Variants in ZMYM2 observed in about 807,000 individuals in gnomAD.
The protein encoded by ZMYM2 is zinc finger MYM-type containing 2.
ZMYM2 carries 56 observed loss-of-function variants against 162.8 expected under a neutral mutation model. The observed-to-expected ratio is 0.34, with a 90% confidence interval of 0.28 to 0.43. The LOEUF (loss-of-function observed/expected upper bound fraction) is 0.43. ZMYM2 is among the 20% of genes least tolerant of loss of function. The pLI is 1.00. For synonymous variants in ZMYM2, 510 were observed against 541.6 expected (o/e 0.94, Z 0.81); for missense variants, 1,275 against 1,621.8 (o/e 0.79, Z 3.67).
At position 20,086,970 on chromosome 13, in the gene ZMYM2, G is replaced by T. The variant is rs1958311847; in HGVS notation, c.*956G>T. The T allele has an allele frequency of 5.5e-6, 1 of 181,702 alleles. No individual in the cohort carries two copies. Among genetic ancestry groups the T allele is most frequent in the Non-Finnish European group, 1.2e-5 (1 of 85,230 alleles). 11.3% of individuals were successfully genotyped at this position (181,702 alleles called of 1,614,324 possible). ...TTTCCCTCTTAAGGATACAGATCAT[G>T]CTGCAATGTTAGCTGTGTAGTACTC... On this transcript the variant is annotated 3_prime_UTR_variant, in exon 25 of 25. Coordinates refer to ENST00000610343, the MANE Select transcript of ZMYM2 (RefSeq NM_197968.4).
At chr13:19,870,535 T>C in the ZMYM2 span, among the ~76,000 whole-genome samples, 26,303 of 81,440 alleles carry the variant, frequency 0.32, 3,079 homozygotes, top group Non-Finnish European at 0.42. Context: ...CTTTCTTTCT[T>C]TCTCTTTCTT....
At chr13:19,973,171 A>T (rs1411329902) in intron 2 of ZMYM2, among the ~76,000 whole-genome samples, 1 of 151,882 alleles carries the variant, frequency 6.6e-6, no homozygotes, top group African/African-American at 2.4e-5. Context: ...TCCTGACCTC[A>T]GGTGATCCGC....
intron 12 of ZMYM2, among the ~76,000 whole-genome samples, chr13:20,042,907 A>G (rs1360401857): frequency 6.6e-6 from 1 of 152,002 alleles, no homozygotes; most frequent in East Asian, 1.9e-4. Context: ...TATTTCTAGT[A>G]GAGATGGGGT....
the ZMYM2 span, among the ~76,000 whole-genome samples, chr13:19,917,177 T>A: frequency 6.6e-6 from 1 of 152,022 alleles, no homozygotes; most frequent in Non-Finnish European, 1.5e-5. Context: ...TTAGCCAGGA[T>A]GGTCTCAATC....
At chr13:20,051,021 A>G (rs1325959515) in intron 12 of ZMYM2, among the ~76,000 whole-genome samples, 1 of 152,046 alleles carries the variant, frequency 6.6e-6, no homozygotes, top group East Asian at 1.9e-4. Context: ...TTGCTTCAAA[A>G]TTACCTTTGT....
chr13:20,069,756 A>T (rs938961330), intron 21 of ZMYM2, among the ~76,000 whole-genome samples: 2 of 151,924 alleles, frequency 1.3e-5, no homozygotes, highest in African/African-American at 4.8e-5. Context: ...GTTCATAAGG[A>T]TAAGTAGTTC....
chr13:20,019,591 G>A lies in ZMYM2; in HGVS notation c.1557G>A (p.Met519Ile), dbSNP rs201534436. ...PSFLKEVRDH[M>I]QDSFLMQPEK... is the part of the protein sequence containing the mutation. The stretch of plus-strand genomic sequence containing the variant: ...TCCTGAAGGAGGTTCGAGATCACAT[G>A]CAGGACTCTTTCTTAATGCAGCCTG... Residue 519 changes from methionine to isoleucine, a missense_variant, in exon 7 of 25, where the codon ATG becomes ATA. Transcript: ENST00000610343. The A allele has an allele frequency of 3.8e-4, 612 of 1,597,822 alleles. 23 individuals carry two copies. Among genetic ancestry groups the A allele is most frequent in the South Asian group, 3.6e-3 (315 of 87,770 alleles).
chr13:20,004,940 A>G (rs1950634645), intron 4 of ZMYM2, 134 bp from the exon 5 acceptor site: 1 of 623,604 alleles, frequency 1.6e-6, no homozygotes, highest in Non-Finnish European at 2.5e-6. Context: ...ATGTCTAATA[A>G]AAATGATTTA....
intron 2 of ZMYM2, among the ~76,000 whole-genome samples, chr13:19,989,752 T>C (rs1484347052): frequency 2.0e-5 from 3 of 152,228 alleles, no homozygotes; most frequent in Admixed American, 6.5e-5. Flanking sequence ...ATAGGTCTTA[T>C]TCTGTTTTTC....
intron 6 of ZMYM2, among the ~76,000 whole-genome samples, chr13:20,016,145 C>T (rs1951607315): frequency 6.6e-6 from 1 of 150,844 alleles, no homozygotes; most frequent in South Asian, 2.1e-4. Flanking sequence ...GTTTTGATTT[C>T]CTTCTCATTG....
chr13:20,005,283 A>C (rs755401505), intron 5 of ZMYM2, 44 bp downstream of exon 5: 39 of 1,386,678 alleles, frequency 2.8e-5, no homozygotes, highest in Non-Finnish European at 3.8e-5. Flanking sequence ...ACAAATAGGA[A>C]TATTTTAAAC....
the ZMYM2 span, among the ~76,000 whole-genome samples, chr13:19,916,118 C>T: frequency 6.6e-6 from 1 of 152,054 alleles, no homozygotes; most frequent in Non-Finnish European, 1.5e-5. Flanking sequence ...ACCTCAGCCT[C>T]CCAAATTGCT....
At position 20,047,566 on chromosome 13, in the gene ZMYM2, G is replaced by A. The variant is rs140470618; in HGVS notation, c.2293-3867G>A. ...AGCCATGAACATTTCTTAAATGGTA[G>A]TACACACACATTGTATTTTTACCTT... is the stretch of plus-strand genomic sequence containing the variant. On this transcript the variant is annotated intron_variant, in intron 12 of 24. Transcript: ENST00000610343. 7.5e-3 allele frequency among the ~76,000 whole-genome samples: 1,137 copies of A among 152,210 alleles called. 11 individuals are homozygous for A. The highest frequency in any genetic ancestry group is 0.025 in the African/African-American group (1,034 of 41,546).
the ZMYM2 span, among the ~76,000 whole-genome samples, chr13:19,892,707 A>T: frequency 1.3e-4 from 19 of 151,356 alleles, no homozygotes; most frequent in Middle Eastern, 6.9e-3. Flanking sequence ...TAACATAAAA[A>T]TTTTTTATTT....
At chr13:19,892,474 A>G in the ZMYM2 span, among the ~76,000 whole-genome samples, 2 of 150,438 alleles carry the variant, frequency 1.3e-5, no homozygotes, top group African/African-American at 4.9e-5. Flanking sequence ...ATGGGATTTC[A>G]CCATGTTAGA....
rs1952604790 is a variant in ZMYM2, at chr13:20,026,624, C to G, written c.1597C>G (p.Leu533Val). ...TTTCAAATTTTAGAAATATGGAAAA[C>G]TGACAACTTGTACTGGTTGCCGAAC... ...FLMQPEKYGK[L>V]TTCTGCRTQC... The change falls in exon 8 of 25, where the codon CTG becomes GTG. Residue 533 changes from leucine to valine, a missense_variant. Leu to Val is a conservative substitution (Grantham distance 32). Coordinates refer to ENST00000610343, the MANE Select transcript of ZMYM2 (RefSeq NM_197968.4). 9 of 1,592,808 alleles carry G rather than the reference C, an allele frequency of 5.7e-6. No homozygotes were observed. Among genetic ancestry groups the G allele is most frequent in the Non-Finnish European group, 7.7e-6 (9 of 1,174,996 alleles).
the ZMYM2 span, among the ~76,000 whole-genome samples, chr13:19,899,858 C>G: frequency 2.4e-4 from 29 of 122,738 alleles, no homozygotes; most frequent in African/African-American, 9.1e-4. Context: ...TAGAGGAAAT[C>G]AATAAAACCA....
the ZMYM2 span, among the ~76,000 whole-genome samples, chr13:19,910,070 AC>A: frequency 6.9e-6 from 1 of 145,746 alleles, no homozygotes; most frequent in Admixed American, 6.9e-5. Flanking sequence ...AAAAAAAAAT[AC>A]AAAAAATTAG....
the ZMYM2 span, among the ~76,000 whole-genome samples, chr13:19,945,145 GTTAT>G: frequency 1.3e-5 from 2 of 151,960 alleles, no homozygotes; most frequent in Non-Finnish European, 2.9e-5. Context: ...CAAATCAATC[GTTAT>G]TTATTTATAT....
Sources: allele counts gnomAD v4.1 joint callset (sites outside exome capture counted in the v4.1 genomes callset), GRCh38; gene constraint gnomAD v4.1.1; transcripts MANE v1.5; gene names NCBI Gene and HGNC (gene_info 2026-07-23, HGNC 2026-07-21).